The following WIPI2 variants were observed in gnomAD, a reference collection of about 807,000 sequenced individuals.
The protein encoded by WIPI2 is WD repeat domain phosphoinositide-interacting protein 2.
WIPI2 carries 28 observed loss-of-function variants against 52.3 expected under a neutral mutation model. The ratio of observed to expected loss-of-function variants is 0.54; its 90% CI spans 0.40 to 0.73. The LOEUF (loss-of-function observed/expected upper bound fraction) is 0.73. Among genes scored for constraint, WIPI2 ranks in the 30% least tolerant of loss-of-function variants. The pLI is 0.00. For synonymous variants in WIPI2, 268 were observed against 245.0 expected (o/e 1.09, Z -0.88); for missense variants, 506 against 602.9 (o/e 0.84, Z 1.68).
chr7:5,226,218 C>G (rs1460312635), intron 9 of WIPI2: 2 of 372,586 alleles, frequency 5.4e-6, no homozygotes, highest in African/African-American at 4.1e-5. Context: ...GATGGCCTCT[C>G]CTCAGGTTCC....
chr7:5,193,479 G>A (rs1781576637), intron 2 of WIPI2: 1 of 542,798 alleles, frequency 1.8e-6, no homozygotes, highest in South Asian at 5.3e-5. Flanking sequence ...GGAGAAACCT[G>A]TTGTTTTCTT....
chr7:5,212,336 A>G (rs770534607), intron 3 of WIPI2, among the ~76,000 whole-genome samples: 2 of 152,128 alleles, frequency 1.3e-5, no homozygotes, highest in Non-Finnish European at 2.9e-5. Flanking sequence ...ACAGGATGCA[A>G]CCGGGCCAGT....
At chr7:5,220,381 T>A (rs1202864998) in intron 7 of WIPI2, among the ~76,000 whole-genome samples, 1 of 151,894 alleles carries the variant, frequency 6.6e-6, no homozygotes, top group Non-Finnish European at 1.5e-5. Context: ...TAGCTGAGAT[T>A]ACAAGCGCGC....
intron 3 of WIPI2, among the ~76,000 whole-genome samples, chr7:5,203,423 C>T (rs1010909765): frequency 1.3e-5 from 2 of 152,134 alleles, no homozygotes; most frequent in African/African-American, 2.4e-5. Context: ...AGAGCTTCAT[C>T]GTTGCCAACT....
chr7:5,197,344 A>T (rs1781804332), intron 2 of WIPI2, among the ~76,000 whole-genome samples: 1 of 152,016 alleles, frequency 6.6e-6, no homozygotes, highest in South Asian at 2.1e-4. Flanking sequence ...TATCTGGAAA[A>T]TGTTTTCCTG....
chr7:5,222,754 G>A (rs4720537), intron 8 of WIPI2, 82 bp downstream of exon 8: 483,328 of 1,345,680 alleles, frequency 0.36, 88,160 homozygotes, highest in East Asian at 0.43. Context: ...CAAACAAGTA[G>A]AACCCCCAGG....
intron 1 of WIPI2, among the ~76,000 whole-genome samples, chr7:5,190,997 T>C (rs2115184016): frequency 6.6e-6 from 1 of 151,776 alleles, no homozygotes; most frequent in African/African-American, 2.4e-5. Context: ...TTTCTCACTG[T>C]TTTTTTGTTT....
In WIPI2 at chr7:5,190,394, C is replaced by G. The variant is rs1235460677; in HGVS notation, c.-26C>G. On this transcript the variant is annotated 5_prime_UTR_variant, in exon 1 of 13. Transcript: ENST00000288828. ...CCCTCGCGCGCGCGCCCTCCCCGGC[C>G]GGGCCCACTCGCCGCGCGCCCAGCC... The G allele has an allele frequency of 3.7e-6, 5 of 1,356,492 alleles. No homozygotes were observed. Among genetic ancestry groups the G allele is most frequent in the East Asian group, 3.2e-5 (1 of 30,960 alleles). The allele number at this position is 1,356,492 out of a possible 1,614,324, so 84.0% of individuals were successfully genotyped here.
chr7:5,195,995 A>T (rs1781729945), intron 2 of WIPI2, among the ~76,000 whole-genome samples: 1 of 151,800 alleles, frequency 6.6e-6, no homozygotes, highest in East Asian at 1.9e-4. Flanking sequence ...TTGAGATCAC[A>T]TCACTGCACT....
intron 8 of WIPI2, among the ~76,000 whole-genome samples, chr7:5,223,364 G>C (rs1365049371): frequency 3.3e-5 from 5 of 152,180 alleles, no homozygotes; most frequent in Non-Finnish European, 4.4e-5. Flanking sequence ...CCTGAAGGTG[G>C]CTGTTGAAAG....
At chr7:5,221,756 G>C (rs1009528305) in intron 7 of WIPI2, among the ~76,000 whole-genome samples, 2 of 152,102 alleles carry the variant, frequency 1.3e-5, no homozygotes, top group African/African-American at 4.8e-5. Context: ...CTTTGTCTTA[G>C]TAAGATTTTC....
chr7:5,217,120 A>G lies in WIPI2; in HGVS notation c.509A>G (p.Asn170Ser), dbSNP rs752011902. Residue 170 changes from asparagine to serine, a missense_variant, in exon 6 of 13, where the codon AAC (asparagine) becomes AGC (serine). This residue lies in a region of WIPI2 where 237 missense variants were observed against 346.9 expected (regional missense o/e 0.68). Coordinates refer to ENST00000288828, the MANE Select transcript of WIPI2 (RefSeq NM_015610.4). ...GLCALSINND[N>S]CYLAYPGSAT... ...TGTGCGCTGTCAATCAACAACGACA[A>G]CTGCTACTTGGCGTACCCAGGGAGC... The G allele has an allele frequency of 3.7e-6, 6 of 1,613,634 alleles. No homozygotes were observed. The highest frequency in any genetic ancestry group is 2.7e-5 in the African/African-American group (2 of 74,906).
intron 2 of WIPI2, chr7:5,193,424 T>C (rs749077531): frequency 1.8e-6 from 2 of 1,118,034 alleles, no homozygotes; most frequent in Non-Finnish European, 2.4e-6. Context: ...ACTTTCCAAG[T>C]CTTGTGTTTG....
At chr7:5,196,214 C>G (rs1181625891) in intron 2 of WIPI2, among the ~76,000 whole-genome samples, 1 of 151,726 alleles carries the variant, frequency 6.6e-6, no homozygotes, top group African/African-American at 2.4e-5. Context: ...TGGTGCATGC[C>G]TCTAATCCCA....
chr7:5,205,294 G>GGC (rs1782240697), intron 3 of WIPI2, among the ~76,000 whole-genome samples: 1 of 152,120 alleles, frequency 6.6e-6, no homozygotes, highest in Admixed American at 6.5e-5. Flanking sequence ...TTAGTCTTAA[G>GGC]TAATGACAAA....
In WIPI2 at chr7:5,230,591, G is replaced by GC. The variant is rs1418875835; in HGVS notation, c.1253-242dup. Among the ~76,000 whole-genome samples the GC allele has an allele frequency of 6.6e-6, 1 of 152,212 alleles. No individual in the cohort carries two copies. Among genetic ancestry groups the GC allele is most frequent in the Non-Finnish European group, 1.5e-5 (1 of 68,042 alleles). The stretch of plus-strand genomic sequence containing the variant: ...GAGTTTGTGGCCCGTCCATGAGGGA[G>GC]CCTCTGTTTACTGTGCAGGCATCAT... On this transcript the variant is annotated intron_variant, in intron 12 of 12. Coordinates refer to ENST00000288828, the MANE Select transcript of WIPI2 (RefSeq NM_015610.4). The surrounding 1 kb of genome is among the most constrained non-coding windows in gnomAD (Gnocchi z 4.8).
At chr7:5,191,526 C>A (rs1285607540) in intron 1 of WIPI2, among the ~76,000 whole-genome samples, 1 of 152,110 alleles carries the variant, frequency 6.6e-6, no homozygotes, top group East Asian at 1.9e-4. Flanking sequence ...GCATTCGGAA[C>A]GCTGTTTGTC....
At chr7:5,191,198 T>A (rs935154499) in intron 1 of WIPI2, among the ~76,000 whole-genome samples, 1 of 151,972 alleles carries the variant, frequency 6.6e-6, no homozygotes, top group East Asian at 1.9e-4. Context: ...TTTTTTGTAT[T>A]TGTAGTAGAG....
At chr7:5,203,625 CTTTTTTTTTTTT>C (rs10709311) in intron 3 of WIPI2, among the ~76,000 whole-genome samples, 12 of 66,386 alleles carry the variant, frequency 1.8e-4, no homozygotes, top group Middle Eastern at 0.023. Context: ...TACGTTCAGC[CTTTTTTTTTTTT>C]TTTTTTTTTT....
Sources: allele counts gnomAD v4.1 joint callset (sites outside exome capture counted in the v4.1 genomes callset), GRCh38; gene constraint gnomAD v4.1.1; regional missense constraint gnomAD v4.1.1; non-coding constraint Gnocchi (gnomAD v3.1); transcripts MANE v1.5; gene names NCBI Gene and HGNC (gene_info 2026-07-23, HGNC 2026-07-21).